BRCA1: variants seen among roughly 807,000 people sequenced by gnomAD.
The protein encoded by BRCA1 is BRCA1 DNA repair associated.
In BRCA1, 140 loss-of-function variants were observed where a neutral mutation model predicts 173.7. The ratio of observed to expected loss-of-function variants is 0.81; its 90% CI spans 0.70 to 0.93. The LOEUF (loss-of-function observed/expected upper bound fraction) is 0.93. Among genes scored for constraint, BRCA1 ranks in the 40% least tolerant of loss-of-function variants. The pLI is 0.00. For missense variants in BRCA1, 1,983 were observed against 2,172.5 expected (o/e 0.91, Z 1.73); for synonymous variants, 662 against 756.0 (o/e 0.88, Z 2.04).
chr17:43,096,393 A>AAAAG lies in BRCA1; in HGVS notation c.594-472_594-471insCTTT, dbSNP rs1555593762. On this transcript the variant is annotated intron_variant, in intron 8 of 22. Transcript: ENST00000357654. ...CTCTGTCTCAAAAAAAAAAAAAAAA[A>AAAAG]AGAGAGAAAGAAAGAAATGGAATGG... 6.9e-3 allele frequency among the ~76,000 whole-genome samples: 1,028 copies of AAAAG among 149,856 alleles called. 15 individuals carry two copies. Among genetic ancestry groups the AAAAG allele is most frequent in the African/African-American group, 0.024 (974 of 40,566 alleles).
intron 11 of BRCA1, among the ~76,000 whole-genome samples, chr17:43,085,359 C>CAA (rs1195977234): frequency 7.2e-6 from 1 of 139,276 alleles, no homozygotes; most frequent in Non-Finnish European, 1.6e-5. Flanking sequence ...AACTCTGTCT[C>CAA]AAAAAAAAAA....
intron 6 of BRCA1, among the ~76,000 whole-genome samples, chr17:43,103,260 A>G (rs2154546541): frequency 6.6e-6 from 1 of 152,126 alleles, no homozygotes; most frequent in Middle Eastern, 3.4e-3. Context: ...TGAGGTCAGG[A>G]GTTCGAGACC....
intron 8 of BRCA1, among the ~76,000 whole-genome samples, chr17:43,096,792 G>T (rs775125813): frequency 6.6e-6 from 1 of 152,150 alleles, no homozygotes; most frequent in Non-Finnish European, 1.5e-5. Flanking sequence ...GAGGAACTTA[G>T]AGAACAATCT....
At chr17:43,086,888 AGAGTGGG>A (rs1297589993) in intron 11 of BRCA1, among the ~76,000 whole-genome samples, 2 of 152,192 alleles carry the variant, frequency 1.3e-5, no homozygotes, top group African/African-American at 4.8e-5. Context: ...GCTCAGATAC[AGAGTGGG>A]GAGTCATCTC....
At chr17:43,053,445 G>C (rs997289245) in intron 19 of BRCA1, among the ~76,000 whole-genome samples, 3 of 151,628 alleles carry the variant, frequency 2.0e-5, no homozygotes, top group African/African-American at 7.3e-5. Context: ...GGCGGATCAC[G>C]AGGTCAAGAG....
chr17:43,109,091 C>G (rs896619611), intron 3 of BRCA1, among the ~76,000 whole-genome samples: 6 of 142,982 alleles, frequency 4.2e-5, no homozygotes, highest in East Asian at 4.2e-4. Flanking sequence ...AACTCCCGAC[C>G]TCAAGTGATC....
rs148131812 is a variant in BRCA1, at chr17:43,140,430, G to A, written c.-19-16315C>T. 8.5e-3 allele frequency: 1,548 copies of A among 182,086 alleles called. 7 individuals are homozygous for A. The highest frequency in any genetic ancestry group is 0.027 in the South Asian group (154 of 5,670). The allele number at this position is 182,086 out of a possible 1,614,324, so 11.3% of individuals were successfully genotyped here. On this transcript the variant is annotated intron_variant, in intron 1 of 7. Transcript: ENST00000634433. ...TATAGCCAGTTGGTCAGATGCATAG[G>A]TGATGCTTGGCCTTGCACCTGGGGT...
intron 1 of BRCA1, chr17:43,145,268 C>T: frequency 1.5e-6 from 1 of 668,022 alleles, no homozygotes; most frequent in South Asian, 1.4e-5. Flanking sequence ...ATACCATAGA[C>T]CATGTCTTAT....
intron 15 of BRCA1, among the ~76,000 whole-genome samples, chr17:43,068,641 C>T (rs766291723): frequency 3.3e-5 from 5 of 152,082 alleles, no homozygotes; most frequent in Admixed American, 6.6e-5. Flanking sequence ...CGTTTCTTTG[C>T]ATAGTGACAC....
intron 12 of BRCA1, among the ~76,000 whole-genome samples, chr17:43,080,685 T>C (rs536950836): frequency 4.7e-4 from 71 of 152,082 alleles, no homozygotes; most frequent in Non-Finnish European, 8.1e-4. Context: ...GGTGGACGCC[T>C]ATAGTCCCAG....
At chr17:43,064,861 T>C (rs565748317) in intron 16 of BRCA1, among the ~76,000 whole-genome samples, 4 of 148,246 alleles carry the variant, frequency 2.7e-5, no homozygotes, top group African/African-American at 1.0e-4. Context: ...GATGCAGTCT[T>C]GCTCTGTCAG....
At position 43,096,376 on chromosome 17, in the gene BRCA1, CA is replaced by C. The variant is rs71160005; in HGVS notation, c.594-455del. Among the ~76,000 whole-genome samples, 275 of 74,216 alleles carry C rather than the reference CA, an allele frequency of 3.7e-3. 2 individuals are homozygous for C. Among genetic ancestry groups the C allele is most frequent in the East Asian group, 0.032 (75 of 2,354 alleles). 48.7% of individuals were successfully genotyped at this position (74,216 alleles called of 152,430 possible). The stretch of plus-strand genomic sequence containing the variant: ...TGGGCAACAGAGCAAGACTCTGTCT[CA>C]AAAAAAAAAAAAAAAAAGAGAGAAA... On this transcript the variant is annotated intron_variant, in intron 8 of 22. Transcript: ENST00000357654.
At chr17:43,110,527 A>T in intron 3 of BRCA1, 1 of 444,802 alleles carries the variant, frequency 2.2e-6, no homozygotes. Flanking sequence ...TCAAGGCAAC[A>T]GTAAGCCTCA....
At chr17:43,060,915 C>CA (rs2051720842) in intron 18 of BRCA1, among the ~76,000 whole-genome samples, 1 of 151,978 alleles carries the variant, frequency 6.6e-6, no homozygotes. Flanking sequence ...CACTTGAGTT[C>CA]AGGAGTTTGA....
rs2154549551 is a variant in BRCA1, at chr17:43,104,203, A to G, written c.360T>C (p.Asp120=). The G allele has an allele frequency of 6.2e-7, 1 of 1,613,612 alleles. No individual in the cohort carries two copies. The highest frequency in any genetic ancestry group is 8.5e-7 in the Non-Finnish European group (1 of 1,179,528). The change falls in exon 6 of 23, where the codon GAT becomes GAC. Residue 120 remains aspartate (D), a synonymous_variant. Coordinates refer to ENST00000357654, the MANE Select transcript of BRCA1 (RefSeq NM_007294.4). ...CCATACTTTGGATGATAGAAACTTCATCTTTTAGATGTTCAGGAGAGTTAT... is the reference window on the plus strand; with the variant it reads ...CCATACTTTGGATGATAGAAACTTCGTCTTTTAGATGTTCAGGAGAGTTAT... ...KENNSPEHLK[D]EVSIIQSMGY... is the part of the protein sequence containing the mutation.
intron 2 of BRCA1, 39 bp from the exon 3 acceptor site, chr17:43,115,818 G>C: frequency 6.4e-7 from 1 of 1,567,774 alleles, no homozygotes. Flanking sequence ...AATAAATGAG[G>C]CTCAATAATT....
At chr17:43,064,500 C>A (rs2153623006) in intron 16 of BRCA1, among the ~76,000 whole-genome samples, 1 of 152,282 alleles carries the variant, frequency 6.6e-6, no homozygotes, top group African/African-American at 2.4e-5. Context: ...TTTCAGAAAG[C>A]AGTAGCTAAA....
intron 2 of BRCA1, among the ~76,000 whole-genome samples, chr17:43,123,332 C>T (rs545835005): frequency 4.7e-5 from 7 of 148,820 alleles, no homozygotes; most frequent in Non-Finnish European, 7.4e-5. Context: ...ATCCTCTCAA[C>T]GACACCGATC....
chr17:43,079,597 G>C, intron 12 of BRCA1: 2 of 851,638 alleles, frequency 2.3e-6, no homozygotes, highest in African/African-American at 1.7e-5. Flanking sequence ...AACACTCTAA[G>C]AGCCAAGACA....
Sources: gnomAD v4.1 joint callset for allele counts (sites outside exome capture counted in the v4.1 genomes callset) on GRCh38, gnomAD v4.1.1 for gene constraint, MANE v1.5 for transcripts, NCBI Gene and HGNC (gene_info 2026-07-23, HGNC 2026-07-21) for gene names.